LAMB3: variants seen among roughly 807,000 people sequenced by gnomAD.
LAMB3 encodes laminin subunit beta-3.
A neutral mutation model predicts 140.3 loss-of-function variants in LAMB3; 104 were observed. The observed-to-expected ratio is 0.74, with a 90% confidence interval of 0.63 to 0.87. The LOEUF is 0.87. Among genes scored for constraint, LAMB3 ranks in the 40% least tolerant of loss-of-function variants. The probability of loss-of-function intolerance (pLI) is 0.00; values close to 1 mark genes in which losing one functional copy is unlikely to be tolerated. For synonymous variants in LAMB3, 592 were observed against 602.9 expected, an observed-to-expected ratio of 0.98 and a Z score of 0.26; for missense variants, 1,531 against 1,575.2, an observed-to-expected ratio of 0.97 and a Z score of 0.47.
intron 1 of LAMB3, among the ~76,000 whole-genome samples, chr1:209,652,058 T>C (rs2076572469): frequency 6.6e-6 from 1 of 152,134 alleles, no homozygotes; most frequent in Non-Finnish European, 1.5e-5. Context: ...CATCCAGTGC[T>C]TTCTCAGCTT....
At chr1:209,641,463 G>T (rs1032482585) in intron 3 of LAMB3, among the ~76,000 whole-genome samples, 28 of 152,226 alleles carry the variant, frequency 1.8e-4, no homozygotes, top group African/African-American at 6.8e-4. Flanking sequence ...GATCCCCAAC[G>T]TTAGCATCAG....
chr1:209,651,855 C>A (rs1571844207), intron 1 of LAMB3, among the ~76,000 whole-genome samples: 1 of 65,098 alleles, frequency 1.5e-5, no homozygotes, highest in Admixed American at 2.2e-4. Flanking sequence ...GGGTGGAGGG[C>A]TGGGGGCTTG....
At chr1:209,616,426 C>A (rs1558146126) in intron 22 of LAMB3, 45 bp downstream of exon 22, 1 of 1,611,178 alleles carries the variant, frequency 6.2e-7, no homozygotes, top group Non-Finnish European at 8.5e-7. Flanking sequence ...TGGGACCAGC[C>A]TTCATGAATG....
At chr1:209,627,004 G>A in intron 12 of LAMB3, 26 bp from the exon 13 acceptor site, 1 of 1,506,752 alleles carries the variant, frequency 6.6e-7, no homozygotes, top group Non-Finnish European at 9.2e-7. Context: ...ACCGTCAGTG[G>A]ACCCTGCCTC....
chr1:209,619,280 A>G (rs1437665063), intron 18 of LAMB3, among the ~76,000 whole-genome samples: 1 of 152,152 alleles, frequency 6.6e-6, no homozygotes. Context: ...TGTGCCAAAC[A>G]CTGTACTCAT....
At position 209,651,878 on chromosome 1, in the gene LAMB3, CG is replaced by C. The variant is rs546437283; in HGVS notation, c.-38+490del. Reference sequence around the variant, plus strand: ...GGCTGGGGGCTTGGCAAGGCAGGGGCGGGGGGGGAAATTGAGGACATTTCTG... The same window carrying C: ...GGCTGGGGGCTTGGCAAGGCAGGGGCGGGGGGGAAATTGAGGACATTTCTG... On this transcript the variant is annotated intron_variant, in intron 1 of 22. Transcript: ENST00000356082. Among the ~76,000 whole-genome samples the C allele has an allele frequency of 2.0e-3, 123 of 60,038 alleles. No homozygotes were observed. In the Middle Eastern group the frequency reaches 0.025, roughly 12 times the overall value. 39.4% of individuals were successfully genotyped at this position (60,038 alleles called of 152,430 possible).
chr1:209,616,504 C>A lies in LAMB3; in HGVS notation c.3349G>T (p.Gly1117Trp). ...SVKTEAEELFGETMEMMDRMK... is the reference protein window; with the variant it reads ...SVKTEAEELFWETMEMMDRMK... The stretch of plus-strand genomic sequence containing the variant: ...CTGTCCATCATCTCCATGGTCTCCC[C>A]AAACAGCTCCTCTGCCTCTGTCTTC... Residue 1117 changes from glycine to tryptophan, a missense_variant, in exon 22 of 23, where the codon GGG (glycine) becomes TGG (tryptophan). Coordinates refer to ENST00000356082, the MANE Select transcript of LAMB3 (RefSeq NM_000228.3). 1 of 1,614,172 alleles carries A rather than the reference C, an allele frequency of 6.2e-7. No homozygotes were observed. The highest frequency in any genetic ancestry group is 8.5e-7 in the Non-Finnish European group (1 of 1,180,022).
chr1:209,617,985 T>C lies in LAMB3; in HGVS notation c.2973A>G (p.Thr991=), dbSNP rs1004970736. The C allele has an allele frequency of 9.3e-6, 15 of 1,614,100 alleles. No individual in the cohort carries two copies. Among genetic ancestry groups the C allele is most frequent in the Non-Finnish European group, 1.2e-5 (14 of 1,180,056 alleles). ...EDVVGNLRQG[T]VALQEAQDTM... ...TGTCCTGAGCTTCCTGCAGTGCCAC[T>C]GTCCCCTGCCGCAGGTTCCCAACCA... The change falls in exon 20 of 23, where the codon ACA becomes ACG. Residue 991 remains threonine (T), a synonymous_variant. Transcript: ENST00000356082.
At chr1:209,631,892 G>T (rs2102433054) in intron 8 of LAMB3, among the ~76,000 whole-genome samples, 2 of 152,326 alleles carry the variant, frequency 1.3e-5, no homozygotes, top group Middle Eastern at 3.4e-3. Flanking sequence ...CATCTTACAT[G>T]ATTTCCTCCT....
rs765400469 is a variant in LAMB3 at position 209,623,645 on chromosome 1, C to T, written c.2218G>A (p.Asp740Asn). 6.2e-7 allele frequency: 1 copy of T among 1,614,110 alleles called. No homozygotes were observed. The highest frequency in any genetic ancestry group is 8.5e-7 in the Non-Finnish European group (1 of 1,180,046). Residue 740 changes from aspartate to asparagine, a missense_variant, in exon 16 of 23, where the codon GAC becomes AAC. Physicochemically the swap from Asp to Asn is conservative, Grantham distance 23. Coordinates refer to ENST00000356082, the MANE Select transcript of LAMB3 (RefSeq NM_000228.3). The surrounding 1 kb of genome is among the most constrained non-coding windows in gnomAD (Gnocchi z 4.2). ...TCTCTCCGGCTGTCCCTGAGCTGGT[C>T]CAAAAGGCGCGAGCTGTCGGAGACC... is the stretch of plus-strand genomic sequence containing the variant. Reference protein sequence around the residue: ...QQVSDSSRLLDQLRDSRREAE... With the variant: ...QQVSDSSRLLNQLRDSRREAE...
chr1:209,634,642 T>C lies in LAMB3; in HGVS notation c.373-4A>G. On this transcript the variant is annotated splice_region_variant and splice_polypyrimidine_tract_variant and intron_variant, in intron 5 of 22. Coordinates refer to ENST00000356082, the MANE Select transcript of LAMB3 (RefSeq NM_000228.3). ...GCATGCCGGCGGGCATGGGCCCCTG[T>C]GGAGACAGGGGCAGTGTGCAGAGGG... 1 of 1,611,484 alleles carries C rather than the reference T, an allele frequency of 6.2e-7. No individual in the cohort carries two copies. The highest frequency in any genetic ancestry group is 1.1e-5 in the South Asian group (1 of 90,786).
In LAMB3 at chr1:209,631,269, T is replaced by C. The variant is rs534066155; in HGVS notation, c.823-534A>G. Among the ~76,000 whole-genome samples, 80 of 152,332 alleles carry C rather than the reference T, an allele frequency of 5.3e-4. 1 individual carries two copies. Among genetic ancestry groups the C allele is most frequent in the African/African-American group, 1.9e-3 (80 of 41,582 alleles). ...TCAGCTTGGCATTCAAGGACCTGTA[T>C]CATGTTAGCTGCATTCTCAGCTCCC... is the stretch of plus-strand genomic sequence containing the variant. On this transcript the variant is annotated intron_variant, in intron 8 of 22. Transcript: ENST00000356082.
In LAMB3 at chr1:209,629,880, G is replaced by A. The variant is rs925370179; in HGVS notation, c.989C>T (p.Ala330Val). 6.8e-6 allele frequency: 11 copies of A among 1,614,080 alleles called. No individual in the cohort carries two copies. The highest frequency in any genetic ancestry group is 9.3e-6 in the Non-Finnish European group (11 of 1,180,040). ...GHSETCHFDP[A>V]VFAASQGAYG... is the part of the protein sequence containing the mutation. Reference sequence around the variant, plus strand: ...TGCCCCCTGGCTGGCGGCAAACACAGCGGGGTCAAAGTGACATGTCTCTGA... The same window carrying A: ...TGCCCCCTGGCTGGCGGCAAACACAACGGGGTCAAAGTGACATGTCTCTGA... The change falls in exon 10 of 23, where the codon GCT (alanine) becomes GTT (valine). Residue 330 changes from alanine to valine, a missense_variant. Physicochemically the swap from Ala to Val is moderately conservative, Grantham distance 64 (BLOSUM62 0). Coordinates refer to ENST00000356082, the MANE Select transcript of LAMB3 (RefSeq NM_000228.3).
chr1:209,623,417 T>C lies in LAMB3; in HGVS notation c.2358+88A>G. The C allele has an allele frequency of 7.5e-7, 1 of 1,329,014 alleles. No individual in the cohort carries two copies. The highest frequency in any genetic ancestry group is 1.1e-6 in the Non-Finnish European group (1 of 922,222). The allele number at this position is 1,329,014 out of a possible 1,614,324, so 82.3% of individuals were successfully genotyped here. A position where few individuals can be genotyped will look rare whatever the true frequency, so the allele number is the denominator to read the frequency against. On this transcript the variant is annotated intron_variant, in intron 16 of 22. Coordinates refer to ENST00000356082, the MANE Select transcript of LAMB3 (RefSeq NM_000228.3). This position sits in a 1 kb window ranked among gnomAD's most constrained non-coding sequence, Gnocchi z 4.2. ...AGTGGGGTTCTCACAGGGGCAGATCTGCCCTAATAGGAAGCAGGTGGCAGC... is the reference window on the plus strand; with the variant it reads ...AGTGGGGTTCTCACAGGGGCAGATCCGCCCTAATAGGAAGCAGGTGGCAGC...
Position 209,638,559 on chromosome 1 carries a change from G to A in LAMB3, c.273C>T (p.Pro91=). 1 of 1,612,836 alleles carries A rather than the reference G, an allele frequency of 6.2e-7. No homozygotes were observed. The highest frequency in any genetic ancestry group is 8.5e-7 in the Non-Finnish European group (1 of 1,178,772). ...RVENVASSSG[P]MRWWQSQNDV... ...CATTCTGTGACTGCCACCAGCGCAT[G>A]GGGCCGGAGGATGAAGCCACATTCT... is the stretch of plus-strand genomic sequence containing the variant. The change falls in exon 4 of 23, where the codon CCC becomes CCT. Residue 91 remains proline, a synonymous_variant. Coordinates refer to ENST00000356082, the MANE Select transcript of LAMB3 (RefSeq NM_000228.3).
chr1:209,633,164 A>C (rs750436426), intron 6 of LAMB3, 31 bp from the exon 7 acceptor site: 3 of 1,522,546 alleles, frequency 2.0e-6, no homozygotes, highest in Non-Finnish European at 2.7e-6. Flanking sequence ...GAAGCGCTGA[A>C]GAAGAGACAA....
chr1:209,623,891 A>C lies in LAMB3; in HGVS notation c.2086T>G (p.Tyr696Asp). ...TCAAACTGCTCCCTCTTCCTCTGAT[A>C]CATAGTAAGGAGACCATTGAAGCTT... ...DRSFNGLLTMYQRKREQFEKI... is the reference protein window; with the variant it reads ...DRSFNGLLTMDQRKREQFEKI... Residue 696 changes from tyrosine (Y) to aspartate (D), a missense_variant, in exon 15 of 23, where the codon TAT becomes GAT. Physicochemically the swap from Tyr to Asp is radical, Grantham distance 160. Transcript: ENST00000356082. This position sits in a 1 kb window ranked among gnomAD's most constrained non-coding sequence, Gnocchi z 4.2. 1 of 1,614,146 alleles carries C rather than the reference A, an allele frequency of 6.2e-7. No homozygotes were observed. The highest frequency in any genetic ancestry group is 8.5e-7 in the Non-Finnish European group (1 of 1,180,004).
intron 10 of LAMB3, 116 bp from the exon 11 acceptor site, chr1:209,628,306 A>G: frequency 8.4e-7 from 1 of 1,187,730 alleles, no homozygotes; most frequent in Non-Finnish European, 1.2e-6. Context: ...TTTCAAATTC[A>G]CAGCCTTAGT....
chr1:209,615,485 C>G, intron 22 of LAMB3, 78 bp from the exon 23 acceptor site: 1 of 1,491,150 alleles, frequency 6.7e-7, no homozygotes, highest in Non-Finnish European at 9.0e-7. Context: ...CCTTCCCCTC[C>G]TGCTAACTGG....
Sources: allele counts gnomAD v4.1 joint callset (sites outside exome capture counted in the v4.1 genomes callset), GRCh38; gene constraint gnomAD v4.1.1; non-coding constraint Gnocchi (gnomAD v3.1); transcripts MANE v1.5; gene names NCBI Gene and HGNC (gene_info 2026-07-23, HGNC 2026-07-21).